The following USP3 variants were observed in gnomAD, a reference collection of about 807,000 sequenced individuals.
The protein encoded by USP3 is ubiquitin carboxyl-terminal hydrolase 3.
Under a neutral mutation model 72.3 loss-of-function variants are expected in USP3, and 20 were observed. The observed-to-expected ratio is 0.28, with a 90% CI of 0.19 to 0.40. USP3 has a LOEUF of 0.40. USP3 is among the 10% of genes least tolerant of loss of function. The pLI, the probability that USP3 is intolerant of heterozygous loss-of-function variation, is 1.00. For missense variants in USP3, 479 were observed against 633.9 expected (o/e 0.76, Z 2.62); for synonymous variants, 222 against 225.3 (o/e 0.99, Z 0.13).
rs761589739 is a variant in USP3 at position 63,588,843 on chromosome 15, G to GA, written c.1329+34dup. 2.5e-6 allele frequency: 4 copies of GA among 1,610,888 alleles called. No individual in the cohort carries two copies. The highest frequency in any genetic ancestry group is 3.4e-6 in the Non-Finnish European group (4 of 1,177,498). ...AAGGTGGTTACCTTTTTAGCATGGT[G>GA]AAAAAATGGCTCTTCAGTAAGATTG... On this transcript the variant is annotated intron_variant, in intron 13 of 14. Transcript: ENST00000380324. The surrounding 1 kb of genome is among the most constrained non-coding windows in gnomAD (Gnocchi z 4.6).
chr15:63,534,130 G>A (rs1170611780), intron 2 of USP3, among the ~76,000 whole-genome samples: 1 of 152,134 alleles, frequency 6.6e-6, no homozygotes, highest in East Asian at 1.9e-4. Context: ...GTTGTCAATT[G>A]CAAACAAGCT....
At chr15:63,545,664 C>T (rs956649697) in intron 3 of USP3, among the ~76,000 whole-genome samples, 5 of 151,630 alleles carry the variant, frequency 3.3e-5, no homozygotes, top group Admixed American at 1.3e-4. Flanking sequence ...ACAAAAAGTC[C>T]GTCAGAAGTA....
At position 63,504,683 on chromosome 15, in the gene USP3, G is replaced by GC. The variant is rs1418533082; in HGVS notation, c.-52dup. 3.4e-6 allele frequency: 5 copies of GC among 1,454,904 alleles called. No individual in the cohort carries two copies. Among genetic ancestry groups the GC allele is most frequent in the Non-Finnish European group, 4.6e-6 (5 of 1,080,554 alleles). 90.1% of individuals were successfully genotyped at this position (1,454,904 alleles called of 1,614,324 possible). ...CAGACGGAGCCTCCGGAGTTCCTCC[G>GC]CCCCCACCTCGCCGGGTCCTGGAGC... On this transcript the variant is annotated 5_prime_UTR_variant, in exon 1 of 15. Coordinates refer to ENST00000380324, the MANE Select transcript of USP3 (RefSeq NM_006537.4).
rs1171957728 is a variant in USP3, at chr15:63,594,196, T to C, written c.*3370T>C. The C allele has an allele frequency of 6.6e-6, 1 of 152,226 alleles. No individual in the cohort carries two copies. The highest frequency in any genetic ancestry group is 1.5e-5 in the Non-Finnish European group (1 of 68,056). 9.4% of individuals were successfully genotyped at this position (152,226 alleles called of 1,614,324 possible). The stretch of plus-strand genomic sequence containing the variant: ...GTCTATTTAGATACACTTATCCCAC[T>C]TTAATCTCCACCAGCCCCTAAACTC... On this transcript the variant is annotated 3_prime_UTR_variant, in exon 15 of 15. Transcript: ENST00000380324.
chr15:63,534,642 A>T (rs933527915), intron 2 of USP3, among the ~76,000 whole-genome samples: 1 of 152,212 alleles, frequency 6.6e-6, no homozygotes, highest in Non-Finnish European at 1.5e-5. Context: ...TCTTAATATC[A>T]GTATTCCTAC....
intron 11 of USP3, among the ~76,000 whole-genome samples, chr15:63,585,710 T>C (rs1370754430): frequency 6.6e-6 from 1 of 152,182 alleles, no homozygotes; most frequent in Non-Finnish European, 1.5e-5. Flanking sequence ...CAAGGTCATC[T>C]GGATTTTTTC....
intron 4 of USP3, among the ~76,000 whole-genome samples, chr15:63,554,191 T>C (rs1490218105): frequency 2.0e-5 from 3 of 152,200 alleles, no homozygotes; most frequent in Non-Finnish European, 4.4e-5. Context: ...TAGGAAGCAC[T>C]ATGATTTATG....
intron 1 of USP3, among the ~76,000 whole-genome samples, chr15:63,506,674 C>T (rs2065717603): frequency 6.6e-6 from 1 of 152,130 alleles, no homozygotes; most frequent in Non-Finnish European, 1.5e-5. Flanking sequence ...TCTTGAGGAA[C>T]TTAATAAGTT....
chr15:63,543,570 C>A (rs902733964), intron 3 of USP3, among the ~76,000 whole-genome samples: 12 of 152,344 alleles, frequency 7.9e-5, no homozygotes, highest in Admixed American at 7.8e-4. Flanking sequence ...TGTCCTCATT[C>A]TGTTTACTTT....
intron 3 of USP3, among the ~76,000 whole-genome samples, chr15:63,547,256 A>C (rs1383758908): frequency 6.6e-6 from 1 of 152,230 alleles, no homozygotes; most frequent in Non-Finnish European, 1.5e-5. Context: ...AGTAATATAT[A>C]CAACTTGTAT....
chr15:63,538,585 C>A (rs147184501), intron 3 of USP3, among the ~76,000 whole-genome samples: 1 of 147,716 alleles, frequency 6.8e-6, no homozygotes, highest in Non-Finnish European at 1.5e-5. Flanking sequence ...CTTGCTCTGT[C>A]GCCCAGGCTG....
chr15:63,516,043 T>C (rs1407679221), intron 1 of USP3, among the ~76,000 whole-genome samples: 9 of 152,228 alleles, frequency 5.9e-5, no homozygotes, highest in Non-Finnish European at 1.3e-4. Flanking sequence ...GTCTCTCCAT[T>C]TCCCAATATA....
chr15:63,557,297 C>G (rs191367514), intron 5 of USP3, among the ~76,000 whole-genome samples: 2 of 151,478 alleles, frequency 1.3e-5, no homozygotes, highest in Non-Finnish European at 2.9e-5. Context: ...GAGTCTCACT[C>G]TGTCACCCAG....
chr15:63,552,319 TACAG>T (rs1243746807), intron 3 of USP3, among the ~76,000 whole-genome samples: 3 of 152,220 alleles, frequency 2.0e-5, no homozygotes, highest in African/African-American at 7.2e-5. Flanking sequence ...AGCCCAAATT[TACAG>T]ACAAAGTAGA....
chr15:63,588,266 G>C lies in USP3; in HGVS notation c.1097-39G>C. ...TCTACAGTACATTGCCTCTACAAAAGGCATCTTGTTTTAATGCTGCCAAAA... is the reference window on the plus strand; with the variant it reads ...TCTACAGTACATTGCCTCTACAAAACGCATCTTGTTTTAATGCTGCCAAAA... On this transcript the variant is annotated intron_variant, in intron 11 of 14. Coordinates refer to ENST00000380324, the MANE Select transcript of USP3 (RefSeq NM_006537.4). This position sits in a 1 kb window ranked among gnomAD's most constrained non-coding sequence, Gnocchi z 4.6. 1 of 1,481,728 alleles carries C rather than the reference G, an allele frequency of 6.7e-7. No individual in the cohort carries two copies. The highest frequency in any genetic ancestry group is 9.2e-7 in the Non-Finnish European group (1 of 1,086,912). 91.8% of individuals were successfully genotyped at this position (1,481,728 alleles called of 1,614,324 possible).
intron 11 of USP3, among the ~76,000 whole-genome samples, chr15:63,581,340 GGTTTTTGTGTGTGTGTGT>G (rs1397067888): frequency 2.4e-5 from 3 of 124,128 alleles, no homozygotes; most frequent in African/African-American, 9.2e-5. Context: ...TGTTTGTGTT[GGTTTTTGTGTGTGTGTGT>G]GTGTGTGTGT....
At chr15:63,545,740 C>T (rs1055322960) in intron 3 of USP3, among the ~76,000 whole-genome samples, 3 of 151,862 alleles carry the variant, frequency 2.0e-5, no homozygotes, top group Non-Finnish European at 2.9e-5. Context: ...GAGGCTAAGG[C>T]GGGCGGATGG....
intron 1 of USP3, among the ~76,000 whole-genome samples, chr15:63,514,216 C>A (rs1377801794): frequency 6.6e-6 from 1 of 151,678 alleles, no homozygotes; most frequent in South Asian, 2.1e-4. Flanking sequence ...TTTTTTAGAG[C>A]CTCATTTAAA....
chr15:63,544,397 A>C lies in USP3; in HGVS notation c.284+7241A>C, dbSNP rs556229667. 1.4e-4 allele frequency: 45 copies of C among 327,884 alleles called. No homozygotes were observed. Among genetic ancestry groups the C allele is most frequent in the Non-Finnish European group, 2.4e-4 (43 of 177,656 alleles). The allele number at this position is 327,884 out of a possible 1,614,324, so 20.3% of individuals were successfully genotyped here. A position where few individuals can be genotyped will look rare whatever the true frequency, so the allele number is the denominator to read the frequency against. The stretch of plus-strand genomic sequence containing the variant: ...AGTGAGGTCTGGTAGAAAGAAAGTA[A>C]CTTTATTAACCAAAACTAGTGAAAG... On this transcript the variant is annotated intron_variant, in intron 3 of 14. Transcript: ENST00000380324. This position sits in a 1 kb window ranked among gnomAD's most constrained non-coding sequence, Gnocchi z 4.2.
Sources: gnomAD v4.1 joint callset for allele counts (sites outside exome capture counted in the v4.1 genomes callset) on GRCh38, gnomAD v4.1.1 for gene constraint, Gnocchi (gnomAD v3.1) non-coding constraint, MANE v1.5 for transcripts, NCBI Gene and HGNC (gene_info 2026-07-23, HGNC 2026-07-21) for gene names.